The following HEPH variants were observed in gnomAD, a reference collection of about 807,000 sequenced individuals.
The protein encoded by HEPH is hephaestin.
Under a neutral mutation model 80.8 loss-of-function variants are expected in HEPH, and 69 were observed. The observed-to-expected ratio is 0.85, with a 90% confidence interval of 0.70 to 1.04. HEPH has a LOEUF of 1.04. Ranked by LOEUF, HEPH falls within the 50% of genes least tolerant of loss-of-function variation. The pLI is 0.00. For missense variants in HEPH, 1,115 were observed against 891.3 expected (o/e 1.25, Z -3.20); for synonymous variants, 431 against 322.8 (o/e 1.34, Z -3.60).
intron 4 of HEPH, among the ~76,000 whole-genome samples, chrX:66,174,970 CTG>C (rs2086740360): frequency 9.0e-6 from 1 of 111,360 alleles, no homozygotes; most frequent in African/African-American, 3.3e-5. Flanking sequence ...TATGGGTTGT[CTG>C]TTTACTCTGT....
At chrX:66,200,858 G>C (rs761207471) in intron 12 of HEPH, 106 bp downstream of exon 12, 31 of 597,971 alleles carry the variant, frequency 5.2e-5, no homozygotes, top group Admixed American at 1.5e-4. Context: ...GCATGTTAAG[G>C]GTTCTAGGAA....
upstream of HEPH, chrX:66,162,948 C>A: frequency 1.0e-6 from 1 of 982,311 alleles, no homozygotes; most frequent in Non-Finnish European, 1.4e-6. Flanking sequence ...TGGGTAGATG[C>A]AGTCCTTTTT....
upstream of HEPH, chrX:66,162,940 G>A (rs747861202): frequency 1.3e-4 from 128 of 1,006,931 alleles, no homozygotes; most frequent in Non-Finnish European, 1.6e-4. Flanking sequence ...GGGTCTGTTG[G>A]GTAGATGCAG....
intron 2 of HEPH, among the ~76,000 whole-genome samples, chrX:66,171,490 A>G (rs2086592909): frequency 8.9e-6 from 1 of 112,420 alleles, no homozygotes; most frequent in Non-Finnish European, 1.9e-5. Context: ...AATATCTGTT[A>G]AAGAATAAAT....
intron 9 of HEPH, among the ~76,000 whole-genome samples, chrX:66,197,390 G>T (rs2088161030): frequency 9.0e-6 from 1 of 111,219 alleles, no homozygotes; most frequent in Non-Finnish European, 1.9e-5. Context: ...AGTGAGAGAT[G>T]TTCCAAATAA....
Position 66,200,698 on chromosome X carries a change from G to A in HEPH, c.2023G>A (p.Ala675Thr). The change falls in exon 12 of 21, where the codon GCT (alanine) becomes ACT (threonine). Residue 675 changes from alanine (A) to threonine (T), a missense_variant. By Grantham distance (58) the Ala-to-Thr change is moderately conservative. Transcript: ENST00000343002. ...GCTTCAGGGCATGAGGAAGGGTGCA[G>A]CTATGCTCTTTCCTCATACCTTTGT... ...VQLQGMRKGA[A>T]MLFPHTFVMA... 1.7e-6 allele frequency: 2 copies of A among 1,211,501 alleles called. No individual in the cohort carries two copies. The highest frequency in any genetic ancestry group is 2.2e-6 in the Non-Finnish European group (2 of 895,393).
intron 2 of HEPH, 32 bp from the exon 3 acceptor site, chrX:66,172,323 G>C: frequency 8.6e-7 from 1 of 1,158,367 alleles, no homozygotes; most frequent in Middle Eastern, 2.5e-4. Context: ...AAGATGGGGG[G>C]CAAAATTATG....
At chrX:66,233,832 G>C (rs896453760) in intron 15 of HEPH, among the ~76,000 whole-genome samples, 47 of 110,367 alleles carry the variant, frequency 4.3e-4, no homozygotes, top group Non-Finnish European at 8.3e-4. Flanking sequence ...AGAATTCACT[G>C]GTCAGTCATG....
chrX:66,179,078 G>T (rs746458542), intron 4 of HEPH, among the ~76,000 whole-genome samples: 1 of 111,874 alleles, frequency 8.9e-6, no homozygotes, highest in Non-Finnish European at 1.9e-5. Context: ...TATGGTTTTA[G>T]ATCTAACATT....
In HEPH at chrX:66,198,941, A is replaced by G; in HGVS notation, c.1777A>G (p.Ser593Gly). The change falls in exon 11 of 21, where the codon AGC (serine) becomes GGC (glycine). Residue 593 changes from serine to glycine, a missense_variant. By Grantham distance (56) the Ser-to-Gly change is moderately conservative. This residue lies in a region of HEPH where 716 missense variants were observed against 523.5 expected (regional missense o/e 1.37). Transcript: ENST00000343002. ...TVLDENKSWY[S>G]NANQAAAMLD... ...GTTGGATGAGAACAAGAGCTGGTAC[A>G]GCAATGCCAATCAAGCAGCTGCTAT... The G allele has an allele frequency of 8.3e-7, 1 of 1,204,455 alleles. No individual in the cohort carries two copies. The highest frequency in any genetic ancestry group is 1.1e-6 in the Non-Finnish European group (1 of 888,635).
intron 4 of HEPH, among the ~76,000 whole-genome samples, chrX:66,183,977 A>T (rs2087281938): frequency 8.2e-5 from 1 of 12,195 alleles, no homozygotes; most frequent in Non-Finnish European, 1.3e-4. Context: ...GTCATTCAGG[A>T]GCAGGTTGTT....
intron 18 of HEPH, 73 bp from the exon 19 acceptor site, chrX:66,260,027 T>C: frequency 1.1e-6 from 1 of 947,757 alleles, no homozygotes; most frequent in Non-Finnish European, 1.5e-6. Context: ...TCACAATTTT[T>C]TGGTTCCTGA....
intron 15 of HEPH, among the ~76,000 whole-genome samples, chrX:66,215,389 A>G (rs1031672658): frequency 4.5e-5 from 5 of 110,622 alleles, no homozygotes; most frequent in Non-Finnish European, 1.9e-5. Flanking sequence ...ATTTCCATAT[A>G]TGTTTGCCAG....
intron 2 of HEPH, chrX:66,171,110 C>A (rs768063002): frequency 1.4e-4 from 45 of 321,325 alleles, no homozygotes; most frequent in South Asian, 6.5e-4. Context: ...GGTGAAGCTA[C>A]TGTATATTTA....
intron 20 of HEPH, 36 bp downstream of exon 20, chrX:66,263,724 A>T (rs1490229277): frequency 8.5e-7 from 1 of 1,169,658 alleles, no homozygotes; most frequent in South Asian, 1.8e-5. Context: ...GTACTTATAC[A>T]TAGTGTGTCT....
intron 4 of HEPH, among the ~76,000 whole-genome samples, chrX:66,181,825 G>A (rs1272733943): frequency 1.1e-5 from 1 of 92,254 alleles, no homozygotes; most frequent in Non-Finnish European, 2.1e-5. Context: ...GGGTTTTTAT[G>A]GTTTTAGGTC....
At chrX:66,179,681 G>T (rs951389539) in intron 4 of HEPH, among the ~76,000 whole-genome samples, 57 of 111,184 alleles carry the variant, frequency 5.1e-4, no homozygotes, top group African/African-American at 1.8e-3. Context: ...CACTATTATT[G>T]TGTTTCTCCC....
chrX:66,166,508 G>A (rs2086374496), intron 1 of HEPH, among the ~76,000 whole-genome samples: 1 of 112,126 alleles, frequency 8.9e-6, no homozygotes, highest in African/African-American at 3.2e-5. Flanking sequence ...CATCTAAGTG[G>A]TTATAAAGGA....
intron 1 of HEPH, among the ~76,000 whole-genome samples, chrX:66,168,146 A>G (rs2086451698): frequency 8.9e-6 from 1 of 111,832 alleles, no homozygotes; most frequent in African/African-American, 3.3e-5. Context: ...ATTGGGTGCT[A>G]TAGACAGTAA....
Sources: gnomAD v4.1 joint callset for allele counts (sites outside exome capture counted in the v4.1 genomes callset) on GRCh38, gnomAD v4.1.1 for gene constraint, gnomAD v4.1.1 regional missense constraint, MANE v1.5 for transcripts, NCBI Gene and HGNC (gene_info 2026-07-23, HGNC 2026-07-21) for gene names.